The following RNF6 variants were observed in gnomAD, a reference collection of about 807,000 sequenced individuals.
The protein encoded by RNF6 is E3 ubiquitin-protein ligase RNF6.
Under a neutral mutation model 50.1 loss-of-function variants are expected in RNF6, and 21 were observed. The ratio of observed to expected loss-of-function variants is 0.42; its 90% confidence interval spans 0.30 to 0.60. The LOEUF is 0.60. RNF6 is among the 20% of genes least tolerant of loss of function. RNF6 has a pLI of 0.20. For synonymous variants in RNF6, 255 were observed against 291.8 expected, an observed-to-expected ratio of 0.87 and a Z score of 1.29; for missense variants, 698 against 838.2, an observed-to-expected ratio of 0.83 and a Z score of 2.07.
At chr13:26,185,650 G>T (rs954302697) in intron 5 of RNF6, among the ~76,000 whole-genome samples, 3 of 152,160 alleles carry the variant, frequency 2.0e-5, no homozygotes, top group Non-Finnish European at 4.4e-5. Flanking sequence ...GGAGGCTGAG[G>T]CAGGAGAATC....
At chr13:26,170,518 G>A (rs1024796757) in intron 5 of RNF6, among the ~76,000 whole-genome samples, 11 of 152,054 alleles carry the variant, frequency 7.2e-5, no homozygotes, top group African/African-American at 2.7e-4. Flanking sequence ...ACAAAAGATG[G>A]GTAACAGTTA....
chr13:26,163,211 T>C (rs1872296122), intron 5 of RNF6, among the ~76,000 whole-genome samples: 1 of 151,896 alleles, frequency 6.6e-6, no homozygotes, highest in South Asian at 2.1e-4. Flanking sequence ...ACTTGGGAGG[T>C]TGAGGCAGGA....
At chr13:26,206,674 C>T (rs1869123434) in intron 5 of RNF6, among the ~76,000 whole-genome samples, 3 of 152,096 alleles carry the variant, frequency 2.0e-5, no homozygotes. Context: ...ATCTTACAAA[C>T]AAGCTTTTAA....
At position 26,215,114 on chromosome 13, in the gene RNF6, A is replaced by T. The variant is rs2137757777; in HGVS notation, c.768T>A (p.Ser256Arg). 1.9e-6 allele frequency: 3 copies of T among 1,614,174 alleles called. No individual in the cohort carries two copies. In the South Asian group the frequency reaches 3.3e-5, roughly 18 times the overall value. Residue 256 changes from serine (S) to arginine (R), a missense_variant, in exon 5 of 5, where the codon AGT becomes AGA. Transcript: ENST00000381588. The part of the protein sequence containing the change: ...PRANASRTNF[S>R]SHTNQSGGSE... ...TACCACCTGATTGGTTTGTGTGACT[A>T]CTGAAATTAGTGCGTGAAGCGTTAG... is the stretch of plus-strand genomic sequence containing the variant.
intron 5 of RNF6, among the ~76,000 whole-genome samples, chr13:26,190,398 G>A (rs1050257483): frequency 2.6e-5 from 4 of 152,176 alleles, no homozygotes; most frequent in East Asian, 1.9e-4. Flanking sequence ...TGGGGGCATC[G>A]TTTTTCTACC....
In RNF6 at chr13:26,214,582, T is replaced by C. The variant is rs776039517; in HGVS notation, c.1300A>G (p.Ile434Val). 12 of 1,614,198 alleles carry C rather than the reference T, an allele frequency of 7.4e-6. No homozygotes were observed. In the South Asian group the frequency reaches 8.8e-5, roughly 12 times the overall value. The change falls in exon 5 of 5, where the codon ATT becomes GTT. Residue 434 changes from isoleucine to valine, a missense_variant. Ile to Val is a conservative substitution (Grantham distance 29). Transcript: ENST00000381588. ...RVGLAENTVT[I>V]ESNSGGFRRT... ...CGAAAGCCCCCACTATTGCTTTCAA[T>C]AGTGACTGTATTTTCTGCTAGCCCT...
At chr13:26,208,205 T>C (rs1479812060), downstream of RNF6, among the ~76,000 whole-genome samples, 1 of 152,222 alleles carries the variant, frequency 6.6e-6, no homozygotes, top group Non-Finnish European at 1.5e-5. Context: ...GGGAATACTC[T>C]ATTCCCTGAG....
intron 5 of RNF6, among the ~76,000 whole-genome samples, chr13:26,157,948 C>T (rs1451671508): frequency 2.2e-5 from 3 of 139,058 alleles, no homozygotes; most frequent in Non-Finnish European, 3.1e-5. Flanking sequence ...GGATGGCTAG[C>T]TAGCTAGAAG....
At chr13:26,200,405 CTTTTTTTTT>C (rs3030059) in intron 5 of RNF6, among the ~76,000 whole-genome samples, 2 of 107,388 alleles carry the variant, frequency 1.9e-5, no homozygotes, top group Non-Finnish European at 3.9e-5. Context: ...GTTTGAAATT[CTTTTTTTTT>C]TTTTTTTTTT....
rs1372034296 is a variant in RNF6, at chr13:26,214,613, G to A, written c.1269C>T (p.Ser423=). ...DRDSIANRTR[S]RVGLAENTVT... is the part of the protein sequence containing the mutation. ...CTGTATTTTCTGCTAGCCCTACTCT[G>A]GATCGAGTTCTATTTGCAATACTAT... Residue 423 remains serine (S), a synonymous_variant, in exon 5 of 5, where the codon TCC becomes TCT. Transcript: ENST00000381588. The A allele has an allele frequency of 6.2e-7, 1 of 1,614,102 alleles. No homozygotes were observed. Among genetic ancestry groups the A allele is most frequent in the Non-Finnish European group, 8.5e-7 (1 of 1,180,044 alleles).
At chr13:26,195,647 A>G (rs1354560562) in intron 5 of RNF6, among the ~76,000 whole-genome samples, 2 of 152,320 alleles carry the variant, frequency 1.3e-5, no homozygotes, top group Middle Eastern at 6.8e-3. Context: ...TCCTGAAAGA[A>G]GTCAAAAGGC....
At chr13:26,173,756 T>C (rs1872813457) in intron 5 of RNF6, among the ~76,000 whole-genome samples, 1 of 151,814 alleles carries the variant, frequency 6.6e-6, no homozygotes, top group Non-Finnish European at 1.5e-5. Context: ...ATCGAGACCA[T>C]CCTGGCCAAC....
At chr13:26,217,917 G>A (rs1013838869) in intron 4 of RNF6, among the ~76,000 whole-genome samples, 8 of 152,076 alleles carry the variant, frequency 5.3e-5, no homozygotes, top group African/African-American at 1.9e-4. Context: ...GCATTTTGGG[G>A]TTTTTACATA....
At chr13:26,193,809 G>A (rs1306304794) in intron 5 of RNF6, among the ~76,000 whole-genome samples, 1 of 152,200 alleles carries the variant, frequency 6.6e-6, no homozygotes, top group Admixed American at 6.5e-5. Context: ...TGAACAAATG[G>A]AAGGGTTGAT....
chr13:26,186,619 G>A (rs1420554591), intron 5 of RNF6, among the ~76,000 whole-genome samples: 1 of 152,266 alleles, frequency 6.6e-6, no homozygotes, highest in African/African-American at 2.4e-5. Flanking sequence ...GGCCTCCTCG[G>A]CCGCCGTCGT....
intron 5 of RNF6, among the ~76,000 whole-genome samples, chr13:26,187,026 C>A (rs1873583620): frequency 6.6e-6 from 1 of 152,254 alleles, no homozygotes; most frequent in South Asian, 2.1e-4. Context: ...ATCCACCCAC[C>A]TCGGCCTCCC....
In RNF6 at chr13:26,215,537, G is replaced by A; in HGVS notation, c.345C>T (p.Asn115=). The change falls in exon 5 of 5, where the codon AAC becomes AAT. Residue 115 remains asparagine (N), a synonymous_variant. Transcript: ENST00000381588. ...SHEDSLLEWL[N]TFRRTGNATR... ...TTGCATTTCCTGTGCGCCGAAAGGT[G>A]TTCAACCATTCTAGAAGAGAATCTT... is the stretch of plus-strand genomic sequence containing the variant. 6.2e-7 allele frequency: 1 copy of A among 1,612,498 alleles called. No homozygotes were observed. Among genetic ancestry groups the A allele is most frequent in the Non-Finnish European group, 8.5e-7 (1 of 1,180,028 alleles).
At chr13:26,148,416 A>T (rs1871363099) in intron 5 of RNF6, among the ~76,000 whole-genome samples, 3 of 151,844 alleles carry the variant, frequency 2.0e-5, no homozygotes, top group South Asian at 2.1e-4. Context: ...TTCTATGGCC[A>T]GATCACACCA....
chr13:26,157,510 A>G (rs1050063393), intron 5 of RNF6, among the ~76,000 whole-genome samples: 1 of 152,156 alleles, frequency 6.6e-6, no homozygotes, highest in Non-Finnish European at 1.5e-5. Flanking sequence ...TCTCTAGTAT[A>G]CAAAAAGTCT....
Sources: gnomAD v4.1 joint callset for allele counts (sites outside exome capture counted in the v4.1 genomes callset) on GRCh38, gnomAD v4.1.1 for gene constraint, MANE v1.5 for transcripts, NCBI Gene and HGNC (gene_info 2026-07-23, HGNC 2026-07-21) for gene names.